PKHD1: variants seen among roughly 807,000 people sequenced by gnomAD.
PKHD1 encodes the protein fibrocystin.
Under a neutral mutation model 412.0 loss-of-function variants are expected in PKHD1, and 291 were observed. That is an observed-to-expected ratio of 0.71 (90% CI 0.64 to 0.78). The LOEUF (loss-of-function observed/expected upper bound fraction) is 0.78. Among genes scored for constraint, PKHD1 ranks in the 30% least tolerant of loss-of-function variants. The pLI is 0.00. For synonymous variants in PKHD1, 1,777 were observed against 1,821.5 expected (o/e 0.98, Z 0.62); for missense variants, 4,825 against 4,950.7 (o/e 0.97, Z 0.76).
intron 35 of PKHD1, among the ~76,000 whole-genome samples, chr6:52,010,031 T>C (rs1179399987): frequency 6.6e-6 from 1 of 152,076 alleles, no homozygotes; most frequent in Non-Finnish European, 1.5e-5. Flanking sequence ...CTTTCAAACA[T>C]GCATACAGAA....
chr6:51,816,524 A>C (rs747594527), intron 52 of PKHD1, among the ~76,000 whole-genome samples: 2 of 152,244 alleles, frequency 1.3e-5, no homozygotes, highest in Admixed American at 6.5e-5. Flanking sequence ...AATGAAGTTT[A>C]GCCTGAAGCT....
chr6:51,970,592 T>C (rs1208437165), intron 35 of PKHD1, among the ~76,000 whole-genome samples: 1 of 152,206 alleles, frequency 6.6e-6, no homozygotes, highest in African/African-American at 2.4e-5. Context: ...GGGTGTTACA[T>C]TTAAGTCTTC....
intron 37 of PKHD1, among the ~76,000 whole-genome samples, chr6:51,918,558 T>C (rs189210151): frequency 2.2e-3 from 328 of 152,322 alleles, no homozygotes; most frequent in Non-Finnish European, 4.1e-3. Flanking sequence ...TATTCCACAG[T>C]ATAGATGTGC....
chr6:51,922,334 G>A (rs190510293), intron 37 of PKHD1, among the ~76,000 whole-genome samples: 6 of 152,206 alleles, frequency 3.9e-5, no homozygotes, highest in African/African-American at 1.4e-4. Flanking sequence ...TCTCAGAGGG[G>A]CACCCAGCTG....
chr6:51,792,023 ATGT>A (rs1442861732), intron 52 of PKHD1, among the ~76,000 whole-genome samples: 6 of 152,276 alleles, frequency 3.9e-5, no homozygotes, highest in South Asian at 4.1e-4. Flanking sequence ...TAAACGCTTG[ATGT>A]TATTATTTTT....
chr6:51,783,290 T>C (rs2151205403), intron 53 of PKHD1, among the ~76,000 whole-genome samples: 2 of 149,972 alleles, frequency 1.3e-5, no homozygotes, highest in Admixed American at 1.3e-4. Flanking sequence ...GAGGTTTCTA[T>C]TAAACTTTAA....
chr6:51,639,581 G>GA (rs1012645909), intron 63 of PKHD1, among the ~76,000 whole-genome samples: 3 of 149,502 alleles, frequency 2.0e-5, no homozygotes, highest in African/African-American at 2.5e-5. Flanking sequence ...TAACTAAAAT[G>GA]AAAAAAACAA....
intron 20 of PKHD1, among the ~76,000 whole-genome samples, chr6:52,053,563 G>C (rs1430180220): frequency 2.0e-5 from 3 of 152,222 alleles, no homozygotes; most frequent in Admixed American, 6.5e-5. Context: ...ATGTGAGGCT[G>C]TAACCACAGA....
intron 37 of PKHD1, among the ~76,000 whole-genome samples, chr6:51,927,095 T>G: frequency 6.6e-6 from 1 of 152,190 alleles, no homozygotes; most frequent in East Asian, 1.9e-4. Context: ...AATACTTTTT[T>G]AATTTTCCTC....
chr6:51,919,107 TGCTATACAGAA>T (rs1286237761), intron 37 of PKHD1, among the ~76,000 whole-genome samples: 2 of 152,250 alleles, frequency 1.3e-5, no homozygotes, highest in East Asian at 3.8e-4. Context: ...TAGTTTCTTT[TGCTATACAGAA>T]GCTCTTTAGT....
At chr6:51,963,106 A>C (rs1267328867) in intron 35 of PKHD1, among the ~76,000 whole-genome samples, 1 of 152,128 alleles carries the variant, frequency 6.6e-6, no homozygotes, top group Non-Finnish European at 1.5e-5. Flanking sequence ...ATAGGTGAAG[A>C]TACAGGTGCT....
intron 50 of PKHD1, among the ~76,000 whole-genome samples, chr6:51,843,164 G>A (rs539939195): frequency 2.4e-4 from 36 of 152,352 alleles, no homozygotes; most frequent in African/African-American, 8.7e-4. Flanking sequence ...CATAAGAAAG[G>A]CTTTCCTTGT....
At chr6:52,060,814 G>A (rs1168259346) in intron 14 of PKHD1, among the ~76,000 whole-genome samples, 1 of 151,884 alleles carries the variant, frequency 6.6e-6, no homozygotes, top group Admixed American at 6.6e-5. Flanking sequence ...CCTAAAAATA[G>A]CTTCAAACAT....
chr6:51,823,205 C>T (rs1348514012), intron 52 of PKHD1, among the ~76,000 whole-genome samples: 1 of 152,076 alleles, frequency 6.6e-6, no homozygotes, highest in African/African-American at 2.4e-5. Context: ...CCAATACGGT[C>T]ACACCTCTGG....
At chr6:51,739,441 T>A (rs1488775675) in intron 60 of PKHD1, among the ~76,000 whole-genome samples, 1 of 152,112 alleles carries the variant, frequency 6.6e-6, no homozygotes, top group African/African-American at 2.4e-5. Flanking sequence ...ACATTGGCCA[T>A]GCTGGTCTCC....
At chr6:51,843,890 T>G (rs1351252359) in intron 50 of PKHD1, among the ~76,000 whole-genome samples, 1 of 152,240 alleles carries the variant, frequency 6.6e-6, no homozygotes, top group Non-Finnish European at 1.5e-5. Flanking sequence ...TATCTTATTC[T>G]GTGGCTAACA....
rs116676872 is a variant in PKHD1 at position 51,819,242 on chromosome 6, A to G, written c.8302+11619T>C. Among the ~76,000 whole-genome samples the G allele has an allele frequency of 6.1e-3, 934 of 152,338 alleles. 16 individuals are homozygous for G. Among genetic ancestry groups the G allele is most frequent in the African/African-American group, 0.021 (875 of 41,584 alleles). On this transcript the variant is annotated intron_variant, in intron 52 of 66. Transcript: ENST00000371117. ...TACTATATCCCCCTCCGAAAGTTATACAACCCATATTGTCATATAAAAGGA... is the reference window on the plus strand; with the variant it reads ...TACTATATCCCCCTCCGAAAGTTATGCAACCCATATTGTCATATAAAAGGA...
intron 53 of PKHD1, among the ~76,000 whole-genome samples, chr6:51,777,780 T>G (rs561901295): frequency 6.6e-6 from 1 of 150,516 alleles, no homozygotes; most frequent in Non-Finnish European, 1.5e-5. Flanking sequence ...GAGAAATGTA[T>G]GCAGAGTCCC....
At chr6:51,940,808 T>C (rs1452367094) in intron 36 of PKHD1, among the ~76,000 whole-genome samples, 1 of 151,556 alleles carries the variant, frequency 6.6e-6, no homozygotes, top group Non-Finnish European at 1.5e-5. Context: ...TTCCCTTGCC[T>C]CCATAACTGT....
Sources: gnomAD v4.1 joint callset for allele counts (sites outside exome capture counted in the v4.1 genomes callset) on GRCh38, gnomAD v4.1.1 for gene constraint, MANE v1.5 for transcripts, NCBI Gene and HGNC (gene_info 2026-07-23, HGNC 2026-07-21) for gene names.